SUMO2: variants seen among roughly 807,000 people sequenced by gnomAD.
The protein encoded by SUMO2 is small ubiquitin-related modifier 2.
SUMO2 carries 1 observed loss-of-function variant against 16.0 expected under a neutral mutation model. That is an observed-to-expected ratio of 0.06 (90% CI 0.02 to 0.30). The LOEUF (loss-of-function observed/expected upper bound fraction) is 0.30. Ranked by LOEUF, SUMO2 falls within the 10% of genes least tolerant of loss-of-function variation. SUMO2 has a pLI of 1.00. For synonymous variants in SUMO2, 36 were observed against 40.6 expected, an observed-to-expected ratio of 0.89 and a Z score of 0.43; for missense variants, 16 against 117.5, an observed-to-expected ratio of 0.14 and a Z score of 3.99.
chr17:75,169,293 CTT>C (rs1430462990), intron 3 of SUMO2, among the ~76,000 whole-genome samples: 1 of 152,074 alleles, frequency 6.6e-6, no homozygotes, highest in Non-Finnish European at 1.5e-5. Flanking sequence ...AATCTCAACA[CTT>C]TGGGAGGCTG....
Position 75,182,820 on chromosome 17 carries a change from CT to C in SUMO2, c.14del (p.Lys5SerfsTer16). 3 of 1,411,686 alleles carry C rather than the reference CT, an allele frequency of 2.1e-6. No individual in the cohort carries two copies. The highest frequency in any genetic ancestry group is 1.9e-6 in the Non-Finnish European group (2 of 1,076,000). The allele number at this position is 1,411,686 out of a possible 1,614,324, so 87.4% of individuals were successfully genotyped here. MADE[K>X]PKEGVKTENN... ...GGGCCGGCGGCGAGCTCACCTTGGGCTTTTCGTCGGCCATGGCGAGCGCCGG... is the reference window on the plus strand; with the variant it reads ...GGGCCGGCGGCGAGCTCACCTTGGGCTTTCGTCGGCCATGGCGAGCGCCGG... On this transcript the variant is annotated frameshift_variant, in exon 1 of 4. Coordinates refer to ENST00000420826, the MANE Select transcript of SUMO2 (RefSeq NM_006937.4). LOFTEE classifies it high-confidence loss of function.
intron 1 of SUMO2, 64 bp downstream of exon 1, chr17:75,182,750 G>A: frequency 8.0e-7 from 1 of 1,256,308 alleles, no homozygotes; most frequent in East Asian, 3.2e-5. Context: ...GGCTCTGGCC[G>A]GACCCCGGCC....
chr17:75,171,407 G>A (rs1039520619), intron 3 of SUMO2, among the ~76,000 whole-genome samples: 10 of 151,782 alleles, frequency 6.6e-5, no homozygotes, highest in African/African-American at 1.2e-4. Context: ...CCAGCTACTC[G>A]GGAAGCTGAG....
At chr17:75,176,961 T>C (rs1022818122) in intron 2 of SUMO2, among the ~76,000 whole-genome samples, 4 of 151,710 alleles carry the variant, frequency 2.6e-5, no homozygotes, top group Non-Finnish European at 2.9e-5. Context: ...AGGTGGAAGA[T>C]CACCTGAGGT....
intron 3 of SUMO2, among the ~76,000 whole-genome samples, chr17:75,169,876 C>T (rs921361203): frequency 1.9e-5 from 2 of 105,198 alleles, no homozygotes; most frequent in East Asian, 3.2e-4. Flanking sequence ...TGGGGGGGGG[C>T]GGGTGTGGCA....
rs2074840370 is a variant in SUMO2 at position 75,182,808 on chromosome 17, G to C, written c.21+6C>G. 7.2e-7 allele frequency: 1 copy of C among 1,391,046 alleles called. No homozygotes were observed. The highest frequency in any genetic ancestry group is 1.7e-5 in the South Asian group (1 of 57,536). The allele number at this position is 1,391,046 out of a possible 1,614,324, so 86.2% of individuals were successfully genotyped here. A position where few individuals can be genotyped will look rare whatever the true frequency, so the allele number is the denominator to read the frequency against. On this transcript the variant is annotated splice_donor_region_variant and intron_variant, in intron 1 of 3. Coordinates refer to ENST00000420826, the MANE Select transcript of SUMO2 (RefSeq NM_006937.4). ...GGCGAGGCGAAGGGGCCGGCGGCGA[G>C]CTCACCTTGGGCTTTTCGTCGGCCA...
Position 75,174,847 on chromosome 17 carries a change from A to C in SUMO2, c.154-24T>G, listed in dbSNP as rs756926588. The C allele has an allele frequency of 3.1e-6, 5 of 1,602,078 alleles. No homozygotes were observed. In the African/African-American group the frequency reaches 4.0e-5, roughly 13 times the overall value. ...CCCTGAACGAGAATTTAAAAGCAAT[A>C]AACAGCATTAAGAGAAACAGAATTC... On this transcript the variant is annotated intron_variant, in intron 2 of 3. Coordinates refer to ENST00000420826, the MANE Select transcript of SUMO2 (RefSeq NM_006937.4).
At chr17:75,170,819 C>T (rs2145216987) in intron 3 of SUMO2, among the ~76,000 whole-genome samples, 1 of 144,910 alleles carries the variant, frequency 6.9e-6, no homozygotes, top group South Asian at 2.2e-4. Flanking sequence ...CACTGCACTC[C>T]AGCCTGGGTG....
intron 1 of SUMO2, 127 bp from the exon 2 acceptor site, chr17:75,181,315 C>G: frequency 1.1e-6 from 1 of 944,028 alleles, no homozygotes; most frequent in African/African-American, 1.7e-5. Flanking sequence ...AAACGGCATA[C>G]TGCTGTTTTC....
intron 3 of SUMO2, among the ~76,000 whole-genome samples, chr17:75,169,128 A>T (rs2074715349): frequency 6.6e-6 from 1 of 151,946 alleles, no homozygotes; most frequent in African/African-American, 2.4e-5. Flanking sequence ...GCTACTCAGG[A>T]AGCCGAGGTG....
chr17:75,181,872 T>A (rs1236275161), intron 1 of SUMO2, among the ~76,000 whole-genome samples: 1 of 149,974 alleles, frequency 6.7e-6, no homozygotes, highest in African/African-American at 2.4e-5. Flanking sequence ...AGTTTTATCC[T>A]GATTTGTTTC....
intron 2 of SUMO2, among the ~76,000 whole-genome samples, chr17:75,177,617 G>A (rs1039452566): frequency 6.6e-6 from 1 of 151,878 alleles, no homozygotes; most frequent in African/African-American, 2.4e-5. Flanking sequence ...GGGAGGCGGA[G>A]GTTCCAGTAA....
intron 3 of SUMO2, among the ~76,000 whole-genome samples, chr17:75,170,201 G>A (rs749777820): frequency 5.3e-5 from 8 of 152,074 alleles, no homozygotes; most frequent in Non-Finnish European, 1.0e-4. Flanking sequence ...TGTCTGTGTC[G>A]AGGGCCCACA....
Position 75,168,270 on chromosome 17 carries a change from T to G in SUMO2, c.*69A>C, listed in dbSNP as rs984300605. ...GGATGTGGTGGAACCAAATTGCAGTTTTCTAATTGAGAATGTAATCTTGGT... is the reference window on the plus strand; with the variant it reads ...GGATGTGGTGGAACCAAATTGCAGTGTTCTAATTGAGAATGTAATCTTGGT... On this transcript the variant is annotated 3_prime_UTR_variant, in exon 4 of 4. Coordinates refer to ENST00000420826, the MANE Select transcript of SUMO2 (RefSeq NM_006937.4). 743 of 1,247,788 alleles carry G rather than the reference T, an allele frequency of 6.0e-4. 2 individuals are homozygous for G. The highest frequency in any genetic ancestry group is 7.5e-4 in the Non-Finnish European group (679 of 902,192). 77.3% of individuals were successfully genotyped at this position (1,247,788 alleles called of 1,614,324 possible).
intron 3 of SUMO2, among the ~76,000 whole-genome samples, chr17:75,171,780 G>A (rs2145217982): frequency 6.6e-6 from 1 of 152,088 alleles, no homozygotes; most frequent in Non-Finnish European, 1.5e-5. Context: ...GGGTAAGGAG[G>A]GCTTAAAGAC....
chr17:75,179,810 C>T (rs2074812918), intron 2 of SUMO2, among the ~76,000 whole-genome samples: 1 of 151,982 alleles, frequency 6.6e-6, no homozygotes, highest in Non-Finnish European at 1.5e-5. Flanking sequence ...GCGCGTGTAA[C>T]ACCACGCCCA....
chr17:75,168,425 GT>G, intron 3 of SUMO2, 24 bp from the exon 4 acceptor site: 2 of 1,586,820 alleles, frequency 1.3e-6, no homozygotes, highest in Non-Finnish European at 8.6e-7. Flanking sequence ...AAAAACAAAT[GT>G]AAAAGCACTG....
chr17:75,174,870 T>A (rs749541275), intron 2 of SUMO2, 47 bp from the exon 3 acceptor site: 1 of 1,535,188 alleles, frequency 6.5e-7, no homozygotes, highest in African/African-American at 1.4e-5. Context: ...AGAAACAGAA[T>A]TCTATTTACA....
intron 3 of SUMO2, among the ~76,000 whole-genome samples, chr17:75,172,011 CTTT>C (rs573705094): frequency 7.2e-6 from 1 of 139,384 alleles, no homozygotes; most frequent in Non-Finnish European, 1.6e-5. Context: ...ATAATTGCGC[CTTT>C]TTTTTTTTTT....
Sources: allele counts gnomAD v4.1 joint callset (sites outside exome capture counted in the v4.1 genomes callset), GRCh38; gene constraint gnomAD v4.1.1; transcripts MANE v1.5; gene names NCBI Gene and HGNC (gene_info 2026-07-23, HGNC 2026-07-21).